The following ARHGEF10 variants were observed in gnomAD, a reference collection of about 807,000 sequenced individuals.
ARHGEF10 encodes Rho guanine nucleotide exchange factor (GEF) 10.
A neutral mutation model predicts 147.4 loss-of-function variants in ARHGEF10; 140 were observed. That is an observed-to-expected ratio of 0.95 (90% CI 0.83 to 1.09). The LOEUF is 1.09. ARHGEF10 is among the 50% of genes least tolerant of loss of function. The pLI is 0.00. For synonymous variants in ARHGEF10, 902 were observed against 695.8 expected (o/e 1.30, Z -4.67); for missense variants, 2,222 against 1,752.7 (o/e 1.27, Z -4.78).
Position 1,948,512 on chromosome 8 carries a change from A to G in ARHGEF10, c.3397+2857A>G, listed in dbSNP as rs546426707. On this transcript the variant is annotated intron_variant, in intron 27 of 28. Transcript: ENST00000349830. The surrounding 1 kb of genome is among the most constrained non-coding windows in gnomAD (Gnocchi z 4.9). ...TGCTCCCAGGCTGTGGTCTGCTGCC[A>G]CCGTGGCCTTGTCAGCAGGAGAAAG... 6.6e-6 allele frequency among the ~76,000 whole-genome samples: 1 copy of G among 152,256 alleles called. No individual in the cohort carries two copies. The highest frequency in any genetic ancestry group is 2.4e-5 in the African/African-American group (1 of 41,546).
chr8:1,864,451 C>A lies in ARHGEF10; in HGVS notation c.545+15C>A. On this transcript the variant is annotated intron_variant, in intron 5 of 28. Coordinates refer to ENST00000349830, the MANE Select transcript of ARHGEF10 (RefSeq NM_014629.4). The stretch of plus-strand genomic sequence containing the variant: ...CCTCCAACCAGGTATCTGCATCCGT[C>A]TTCCCACACCTGCTGAATTCCCGCC... The A allele has an allele frequency of 6.2e-7, 1 of 1,611,406 alleles. No individual in the cohort carries two copies. The highest frequency in any genetic ancestry group is 1.1e-5 in the South Asian group (1 of 91,044).
intron 14 of ARHGEF10, among the ~76,000 whole-genome samples, chr8:1,897,255 TC>T (rs982339120): frequency 1.9e-4 from 29 of 152,348 alleles, no homozygotes; most frequent in African/African-American, 6.5e-4. Flanking sequence ...TGGAATTTTT[TC>T]CCTCTGCCTT....
chr8:1,942,454 C>T (rs964966583), intron 26 of ARHGEF10, among the ~76,000 whole-genome samples: 1 of 151,664 alleles, frequency 6.6e-6, no homozygotes, highest in Non-Finnish European at 1.5e-5. Flanking sequence ...GTTAGTGGAG[C>T]CAGCACGCAC....
intron 23 of ARHGEF10, chr8:1,926,805 T>G (rs978949681): frequency 1.4e-5 from 5 of 353,970 alleles, no homozygotes; most frequent in Non-Finnish European, 2.1e-5. Flanking sequence ...GTTCCAAGAC[T>G]GGCTTTTTCC....
At chr8:1,892,369 T>C (rs1055326224) in intron 11 of ARHGEF10, among the ~76,000 whole-genome samples, 4 of 151,610 alleles carry the variant, frequency 2.6e-5, no homozygotes, top group Non-Finnish European at 5.9e-5. Flanking sequence ...TACATTAGTA[T>C]TTTTTTAATA....
rs749258076 is a variant in ARHGEF10 at position 1,832,523 on chromosome 8, G to GACA, written c.-48+8410_-48+8411insACA. 4.0e-4 allele frequency among the ~76,000 whole-genome samples: 45 copies of GACA among 113,824 alleles called. 2 individuals are homozygous for GACA. Among genetic ancestry groups the GACA allele is most frequent in the African/African-American group, 1.3e-3 (38 of 28,524 alleles). 74.7% of individuals were successfully genotyped at this position (113,824 alleles called of 152,430 possible). On this transcript the variant is annotated intron_variant, in intron 1 of 28. Transcript: ENST00000349830. ...AGACACAGGCAGAGACAGAGACAGA[G>GACA]GTAGAGAGACACAGAGGCAGAGGCA...
Position 1,917,526 on chromosome 8 carries a change from G to A in ARHGEF10, c.2144-5438G>A, listed in dbSNP as rs189807626. On this transcript the variant is annotated intron_variant, in intron 18 of 28. Coordinates refer to ENST00000349830, the MANE Select transcript of ARHGEF10 (RefSeq NM_014629.4). ...CCACACAAACCCTTCCTTGTTTGCC[G>A]CACAAATTCTGTTTCACTGACAGAC... Among the ~76,000 whole-genome samples the A allele has an allele frequency of 9.9e-5, 15 of 152,168 alleles. 1 individual carries two copies. In the East Asian group the frequency reaches 1.7e-3, roughly 18 times the overall value.
Position 1,885,618 on chromosome 8 carries a change from G to C in ARHGEF10, c.1093G>C (p.Glu365Gln), listed in dbSNP as rs1386487976. ...LIAQDHRSSL[E>Q]EEQNLFIDVD... ...TTTTTAAGATCACAGATCTTCTCTTGAGGAAGAACAGAATTTGTTCATTGA... is the reference window on the plus strand; with the variant it reads ...TTTTTAAGATCACAGATCTTCTCTTCAGGAAGAACAGAATTTGTTCATTGA... Residue 365 changes from glutamate to glutamine, a missense_variant, in exon 11 of 29, where the codon GAG (glutamate) becomes CAG (glutamine). By Grantham distance (29) the Glu-to-Gln change is conservative. Transcript: ENST00000349830. 2 of 1,613,208 alleles carry C rather than the reference G, an allele frequency of 1.2e-6. No individual in the cohort carries two copies. Among genetic ancestry groups the C allele is most frequent in the Non-Finnish European group, 1.7e-6 (2 of 1,179,496 alleles).
At chr8:1,945,320 T>C (rs1585639200) in intron 26 of ARHGEF10, among the ~76,000 whole-genome samples, 161 bp from the exon 27 acceptor site, 1 of 152,110 alleles carries the variant, frequency 6.6e-6, no homozygotes, top group African/African-American at 2.4e-5. Context: ...GGCAGTTGGG[T>C]TGCTGGTGTT....
intron 17 of ARHGEF10, among the ~76,000 whole-genome samples, chr8:1,908,107 G>A (rs1007196895): frequency 6.6e-6 from 1 of 152,114 alleles, no homozygotes; most frequent in Non-Finnish European, 1.5e-5. Context: ...CTCATGGAGG[G>A]CAGAGTGCTC....
At chr8:1,853,230 C>A (rs1805282112) in intron 2 of ARHGEF10, among the ~76,000 whole-genome samples, 2 of 152,204 alleles carry the variant, frequency 1.3e-5, no homozygotes, top group Admixed American at 6.5e-5. Context: ...AGAGCCTCTC[C>A]CTAGGTGCAG....
chr8:1,856,418 G>T (rs551657216), intron 2 of ARHGEF10, among the ~76,000 whole-genome samples: 27 of 152,312 alleles, frequency 1.8e-4, no homozygotes, highest in African/African-American at 5.1e-4. Flanking sequence ...GGGCCCCTCT[G>T]TGTATTTGTG....
rs919466086 is a variant in ARHGEF10 at position 1,893,718 on chromosome 8, T to C, written c.1260+72T>C. The C allele has an allele frequency of 2.5e-6, 3 of 1,219,652 alleles. No homozygotes were observed. In the African/African-American group the frequency reaches 4.5e-5, roughly 18 times the overall value. The allele number at this position is 1,219,652 out of a possible 1,614,324, so 75.6% of individuals were successfully genotyped here. On this transcript the variant is annotated intron_variant, in intron 12 of 28. Coordinates refer to ENST00000349830, the MANE Select transcript of ARHGEF10 (RefSeq NM_014629.4). The stretch of plus-strand genomic sequence containing the variant: ...TTTTACCTATATACATTTTGATCCA[T>C]AAATGCAAAGCATATATGTTTATGA...
intron 10 of ARHGEF10, among the ~76,000 whole-genome samples, chr8:1,883,204 C>T (rs149507161): frequency 5.6e-4 from 85 of 152,194 alleles, no homozygotes; most frequent in African/African-American, 1.9e-3. Context: ...AAACATCTAA[C>T]GAAGGCGCAG....
chr8:1,836,360 C>T (rs561005855), intron 1 of ARHGEF10, among the ~76,000 whole-genome samples: 17 of 152,146 alleles, frequency 1.1e-4, no homozygotes, highest in South Asian at 2.1e-4. Context: ...TTCTGCTCTG[C>T]CCCCAGGGTC....
intron 2 of ARHGEF10, among the ~76,000 whole-genome samples, chr8:1,851,021 T>G (rs1280552120): frequency 6.7e-6 from 1 of 150,264 alleles, no homozygotes; most frequent in East Asian, 2.0e-4. Flanking sequence ...AGCTCAGGGT[T>G]GCTAGGGGTT....
rs770414770 is a variant in ARHGEF10, at chr8:1,952,734, C to T, written c.3427C>T (p.Leu1143Phe). ...CCAGCGGCTGTCGGTGACGAGCCTG[C>T]TCGTCTGCCACGGATTGCTGATGGT... The part of the protein sequence containing the change: ...GHQRLSVTSL[L>F]VCHGLLMVGT... Residue 1143 changes from leucine to phenylalanine, a missense_variant, in exon 28 of 29, where the codon CTC becomes TTC. Physicochemically the swap from Leu to Phe is conservative, Grantham distance 22. Transcript: ENST00000349830. The T allele has an allele frequency of 3.7e-6, 6 of 1,613,174 alleles. No individual in the cohort carries two copies. Among genetic ancestry groups the T allele is most frequent in the Non-Finnish European group, 4.2e-6 (5 of 1,180,020 alleles).
chr8:1,951,122 C>A (rs563010747), intron 27 of ARHGEF10, among the ~76,000 whole-genome samples: 1 of 152,358 alleles, frequency 6.6e-6, no homozygotes, highest in East Asian at 1.9e-4. Flanking sequence ...TTTTCTCTCT[C>A]ATAAGACAAT....
At chr8:1,909,512 G>C in intron 18 of ARHGEF10, 42 bp downstream of exon 18, 1 of 1,610,876 alleles carries the variant, frequency 6.2e-7, no homozygotes, top group Non-Finnish European at 8.5e-7. Context: ...TGGGGCCAGG[G>C]TAACTCTCAC....
Sources: allele counts gnomAD v4.1 joint callset (sites outside exome capture counted in the v4.1 genomes callset), GRCh38; gene constraint gnomAD v4.1.1; non-coding constraint Gnocchi (gnomAD v3.1); transcripts MANE v1.5; gene names NCBI Gene and HGNC (gene_info 2026-07-23, HGNC 2026-07-21).